Variants in SKAP2 observed in about 807,000 individuals in gnomAD.
SKAP2 encodes the protein src kinase associated phosphoprotein 2, also known as src kinase-associated phosphoprotein 2.
In SKAP2, 28 loss-of-function variants were observed where a neutral mutation model predicts 54.9. The ratio of observed to expected loss-of-function variants is 0.51; its 90% CI spans 0.38 to 0.70. SKAP2 has a LOEUF of 0.70. Among genes scored for constraint, SKAP2 ranks in the 30% least tolerant of loss-of-function variants. The pLI is 0.00. For synonymous variants in SKAP2, 137 were observed against 134.3 expected, an observed-to-expected ratio of 1.02 and a Z score of -0.14; for missense variants, 356 against 424.1, an observed-to-expected ratio of 0.84 and a Z score of 1.41.
intron 9 of SKAP2, among the ~76,000 whole-genome samples, chr7:26,701,431 C>T (rs1787019353): frequency 6.6e-6 from 1 of 151,948 alleles, no homozygotes; most frequent in African/African-American, 2.4e-5. Flanking sequence ...GATGGATACC[C>T]CCTTTAAAAT....
At chr7:26,771,560 A>G (rs1200814988) in intron 4 of SKAP2, among the ~76,000 whole-genome samples, 1 of 152,206 alleles carries the variant, frequency 6.6e-6, no homozygotes, top group Admixed American at 6.5e-5. Context: ...TTGTGTAATA[A>G]GTAGAAGAGT....
chr7:26,733,103 C>T (rs1471599318), intron 6 of SKAP2, among the ~76,000 whole-genome samples: 1 of 151,446 alleles, frequency 6.6e-6, no homozygotes, highest in Non-Finnish European at 1.5e-5. Context: ...TGCACTCTGG[C>T]CTGGGCAACA....
intron 4 of SKAP2, among the ~76,000 whole-genome samples, chr7:26,807,939 A>C (rs1784063586): frequency 6.6e-6 from 1 of 152,226 alleles, no homozygotes; most frequent in Admixed American, 6.5e-5. Flanking sequence ...CATAATACTA[A>C]TTGCACACTT....
rs139615753 is a variant in SKAP2 at position 26,725,372 on chromosome 7, TCACACACACACA to T, written c.796+44_796+55del. 6.2e-6 allele frequency: 7 copies of T among 1,124,862 alleles called. No homozygotes were observed. In the South Asian group the frequency reaches 7.7e-5, roughly 12 times the overall value. The allele number at this position is 1,124,862 out of a possible 1,614,324, so 69.7% of individuals were successfully genotyped here. A position where few individuals can be genotyped will look rare whatever the true frequency, so the allele number is the denominator to read the frequency against. On this transcript the variant is annotated intron_variant, in intron 9 of 12. Transcript: ENST00000345317. ...CACACACACAAACACACACACACAC[TCACACACACACA>T]CACAGCCCTAAAATCTTTAAATGAA...
At chr7:26,790,608 T>C (rs1232596731) in intron 4 of SKAP2, among the ~76,000 whole-genome samples, 3 of 152,236 alleles carry the variant, frequency 2.0e-5, no homozygotes, top group East Asian at 1.9e-4. Flanking sequence ...AACATTCATA[T>C]GTTGGTCATT....
intron 4 of SKAP2, among the ~76,000 whole-genome samples, chr7:26,834,827 C>G (rs1784672869): frequency 6.6e-6 from 1 of 152,160 alleles, no homozygotes; most frequent in South Asian, 2.1e-4. Context: ...AAGAGGGACT[C>G]CTCCCTAACA....
chr7:26,714,188 G>A (rs1195778373), intron 9 of SKAP2, among the ~76,000 whole-genome samples: 1 of 152,154 alleles, frequency 6.6e-6, no homozygotes, highest in Non-Finnish European at 1.5e-5. Flanking sequence ...AGAGAAGCAC[G>A]ATTAGGTTGT....
chr7:26,740,614 A>G (rs1782420770), intron 4 of SKAP2, among the ~76,000 whole-genome samples: 1 of 152,240 alleles, frequency 6.6e-6, no homozygotes, highest in Admixed American at 6.5e-5. Context: ...TTGATTAGAA[A>G]TTGTATATTC....
At chr7:26,834,708 C>G (rs998695766) in intron 4 of SKAP2, among the ~76,000 whole-genome samples, 5 of 152,032 alleles carry the variant, frequency 3.3e-5, no homozygotes, top group Non-Finnish European at 2.9e-5. Context: ...AATTAACAGC[C>G]TACCAACCAA....
chr7:26,810,690 T>C (rs574436756), intron 4 of SKAP2, among the ~76,000 whole-genome samples: 43 of 150,930 alleles, frequency 2.8e-4, no homozygotes, highest in African/African-American at 1.0e-3. Context: ...TTTTTGTTTG[T>C]TTTTTTCTTT....
chr7:26,703,577 C>A (rs1255463122), intron 9 of SKAP2, among the ~76,000 whole-genome samples: 2 of 152,156 alleles, frequency 1.3e-5, no homozygotes, highest in East Asian at 3.8e-4. Context: ...ACTAGCTATA[C>A]AAACTTAGAC....
At chr7:26,679,498 A>C (rs1186126599) in intron 11 of SKAP2, among the ~76,000 whole-genome samples, 1 of 152,188 alleles carries the variant, frequency 6.6e-6, no homozygotes, top group Non-Finnish European at 1.5e-5. Flanking sequence ...TACAAACTAA[A>C]TGTCATCGGA....
chr7:26,716,437 A>C (rs1787441042), intron 9 of SKAP2, among the ~76,000 whole-genome samples: 1 of 152,128 alleles, frequency 6.6e-6, no homozygotes. Context: ...CTTTCTTTGG[A>C]TAGAAATGCA....
chr7:26,678,233 A>T (rs1189766773), intron 11 of SKAP2, among the ~76,000 whole-genome samples: 1 of 152,112 alleles, frequency 6.6e-6, no homozygotes, highest in African/African-American at 2.4e-5. Flanking sequence ...ACACTTTTTC[A>T]TTCCCTCCCC....
intron 4 of SKAP2, among the ~76,000 whole-genome samples, chr7:26,828,098 C>T (rs559360349): frequency 3.3e-5 from 5 of 152,166 alleles, no homozygotes; most frequent in Non-Finnish European, 7.4e-5. Flanking sequence ...CCCCTTAGAT[C>T]CCACCGCTAT....
At chr7:26,702,395 G>A (rs924284774) in intron 9 of SKAP2, among the ~76,000 whole-genome samples, 13 of 152,202 alleles carry the variant, frequency 8.5e-5, no homozygotes, top group Middle Eastern at 3.4e-3. Context: ...ACCTGCCTCG[G>A]CTTCCCAAAG....
At chr7:26,826,118 T>TACACACAC (rs10601131) in intron 4 of SKAP2, among the ~76,000 whole-genome samples, 24,517 of 150,010 alleles carry the variant, frequency 0.16, 2,392 homozygotes, top group Non-Finnish European at 0.22. Flanking sequence ...ATTCGTGCAA[T>TACACACAC]ACACACACAC....
chr7:26,838,967 C>T (rs573464414), intron 4 of SKAP2, among the ~76,000 whole-genome samples: 1 of 152,064 alleles, frequency 6.6e-6, no homozygotes, highest in Non-Finnish European at 1.5e-5. Flanking sequence ...GTATCTTGTT[C>T]TCCTCTTCAT....
intron 6 of SKAP2, among the ~76,000 whole-genome samples, chr7:26,736,424 A>G (rs1787943177): frequency 1.1e-5 from 1 of 94,006 alleles, no homozygotes; most frequent in Non-Finnish European, 2.1e-5. Flanking sequence ...AAGTTACCCT[A>G]TATGGCTTAA....
Sources: gnomAD v4.1 joint callset for allele counts (sites outside exome capture counted in the v4.1 genomes callset) on GRCh38, gnomAD v4.1.1 for gene constraint, MANE v1.5 for transcripts, NCBI Gene and HGNC (gene_info 2026-07-23, HGNC 2026-07-21) for gene names.